KCMF1: variants seen among roughly 807,000 people sequenced by gnomAD.
KCMF1 encodes potassium channel modulatory factor 1.
In KCMF1, 3 loss-of-function variants were observed where a neutral mutation model predicts 41.1. That is an observed-to-expected ratio of 0.07 (90% CI 0.03 to 0.19). The LOEUF (loss-of-function observed/expected upper bound fraction) is 0.19. KCMF1 is among the 10% of genes least tolerant of loss of function. KCMF1 has a pLI of 1.00. For missense variants in KCMF1, 286 were observed against 488.9 expected, an observed-to-expected ratio of 0.58 and a Z score of 3.91; for synonymous variants, 142 against 164.5, an observed-to-expected ratio of 0.86 and a Z score of 1.04.
intron 6 of KCMF1, among the ~76,000 whole-genome samples, chr2:85,052,758 G>A (rs1675837978): frequency 6.6e-6 from 1 of 152,128 alleles, no homozygotes; most frequent in Non-Finnish European, 1.5e-5. Flanking sequence ...TGCAGATTTT[G>A]TTTTTGTGTT....
At chr2:84,986,708 T>C (rs886161442) in intron 1 of KCMF1, among the ~76,000 whole-genome samples, 1 of 150,018 alleles carries the variant, frequency 6.7e-6, no homozygotes, top group African/African-American at 2.5e-5. Flanking sequence ...AAACCGTGTC[T>C]GTACTTAAGA....
Position 85,027,889 on chromosome 2 carries a change from G to T in KCMF1, c.17G>T (p.Gly6Val). The stretch of plus-strand genomic sequence containing the variant: ...CTAAAGATATTTCTTTTTTTTATAG[G>T]TGTCAGCTGTGATGCATGTTTAAAA... MSRHE[G>V]VSCDACLKGN... Residue 6 changes from glycine to valine, a missense_variant and splice_region_variant, in exon 2 of 7, where the codon GGT becomes GTT. Around this residue, in one of 2 missense-constraint regions of KCMF1, gnomAD observed 95 missense variants for 209.6 expected, o/e 0.45. Transcript: ENST00000409785. 3 of 1,585,866 alleles carry T rather than the reference G, an allele frequency of 1.9e-6. No individual in the cohort carries two copies. Among genetic ancestry groups the T allele is most frequent in the Admixed American group, 1.9e-5 (1 of 53,482 alleles).
At chr2:85,012,996 T>C (rs563873198) in intron 1 of KCMF1, among the ~76,000 whole-genome samples, 70 of 152,292 alleles carry the variant, frequency 4.6e-4, no homozygotes, top group African/African-American at 1.6e-3. Flanking sequence ...CCTGAAGTTA[T>C]ATTTCAGTGT....
intron 1 of KCMF1, among the ~76,000 whole-genome samples, chr2:85,012,954 C>T (rs1016380901): frequency 3.3e-5 from 5 of 152,170 alleles, no homozygotes; most frequent in African/African-American, 7.2e-5. Flanking sequence ...AGGATAACTG[C>T]TCTATATGTG....
At chr2:84,974,306 T>C (rs1392683578) in intron 1 of KCMF1, among the ~76,000 whole-genome samples, 1 of 152,200 alleles carries the variant, frequency 6.6e-6, no homozygotes, top group Non-Finnish European at 1.5e-5. Flanking sequence ...CAGGGCCTTA[T>C]GTGTGCAGGT....
intron 1 of KCMF1, among the ~76,000 whole-genome samples, chr2:85,001,216 G>A (rs1013679160): frequency 2.0e-5 from 3 of 151,768 alleles, no homozygotes; most frequent in Admixed American, 2.0e-4. Context: ...GGAGTGCAGT[G>A]GCGTGATCTT....
At chr2:85,010,846 C>CTTTT (rs1285447116) in intron 1 of KCMF1, among the ~76,000 whole-genome samples, 1 of 140,622 alleles carries the variant, frequency 7.1e-6, no homozygotes, top group South Asian at 2.3e-4. Context: ...TAATCTATTA[C>CTTTT]TTTTTTTTTT....
chr2:85,041,078 A>G lies in KCMF1; in HGVS notation c.325-2486A>G, dbSNP rs764463989. ...CCTGGCCTAGCCTCTTGATTTTTCT[A>G]TGCCAGCTGTCAACCTGGGTGATCC... On this transcript the variant is annotated intron_variant, in intron 3 of 6. Coordinates refer to ENST00000409785, the MANE Select transcript of KCMF1 (RefSeq NM_020122.5). Among the ~76,000 whole-genome samples, 5 of 151,952 alleles carry G rather than the reference A, an allele frequency of 3.3e-5. 1 individual carries two copies. Among genetic ancestry groups the G allele is most frequent in the South Asian group, 4.1e-4 (2 of 4,820 alleles).
At chr2:84,982,713 A>G (rs1309059132) in intron 1 of KCMF1, among the ~76,000 whole-genome samples, 1 of 152,086 alleles carries the variant, frequency 6.6e-6, no homozygotes, top group African/African-American at 2.4e-5. Flanking sequence ...TTTCTATGAT[A>G]TTGAAATACA....
intron 1 of KCMF1, among the ~76,000 whole-genome samples, chr2:84,978,228 C>T (rs1390945936): frequency 6.6e-6 from 1 of 152,028 alleles, no homozygotes; most frequent in Non-Finnish European, 1.5e-5. Context: ...AACTCCCGAC[C>T]TCAGGTCATC....
intron 1 of KCMF1, among the ~76,000 whole-genome samples, chr2:85,024,755 A>G (rs562251566): frequency 6.6e-6 from 1 of 152,242 alleles, no homozygotes; most frequent in South Asian, 2.1e-4. Context: ...TTGTGTGTAT[A>G]GGATATGGGG....
intron 2 of KCMF1, among the ~76,000 whole-genome samples, chr2:85,028,483 C>CTTTTTTTT (rs398042498): frequency 4.2e-5 from 2 of 47,236 alleles, no homozygotes; most frequent in African/African-American, 2.0e-4. Flanking sequence ...CTGTGCCTGG[C>CTTTTTTTT]TTTTTTTTTT....
intron 1 of KCMF1, among the ~76,000 whole-genome samples, chr2:84,972,901 T>C (rs1673441749): frequency 6.6e-6 from 1 of 152,230 alleles, no homozygotes; most frequent in African/African-American, 2.4e-5. Context: ...CATTTTGAAA[T>C]AATGAGGTAC....
At position 84,981,550 on chromosome 2, in the gene KCMF1, G is replaced by T. The variant is rs563169989; in HGVS notation, c.16+10083G>T. Among the ~76,000 whole-genome samples, 130 of 152,180 alleles carry T rather than the reference G, an allele frequency of 8.5e-4. 2 individuals are homozygous for T. Among genetic ancestry groups the T allele is most frequent in the African/African-American group, 3.0e-3 (126 of 41,528 alleles). ...TGCTGGTACTCAGTGCCAGTGTCAT[G>T]ATATCAACTTTTTCTACAGTAAGAG... On this transcript the variant is annotated intron_variant, in intron 1 of 6. Coordinates refer to ENST00000409785, the MANE Select transcript of KCMF1 (RefSeq NM_020122.5).
At chr2:85,026,468 A>ATTC (rs1438987718) in intron 1 of KCMF1, among the ~76,000 whole-genome samples, 1 of 138,408 alleles carries the variant, frequency 7.2e-6, no homozygotes, top group Non-Finnish European at 1.5e-5. Flanking sequence ...CTTTATTATT[A>ATTC]TTATTATTAT....
chr2:84,993,548 A>ATTATTTATTTATTTAT (rs148006042), intron 1 of KCMF1, among the ~76,000 whole-genome samples: 56 of 146,016 alleles, frequency 3.8e-4, no homozygotes, highest in African/African-American at 6.6e-4. Flanking sequence ...CTCTACCCCC[A>ATTATTTATTTATTTAT]TTATTTATTT....
intron 3 of KCMF1, among the ~76,000 whole-genome samples, chr2:85,040,880 C>T (rs938752940): frequency 5.8e-4 from 88 of 152,150 alleles, no homozygotes; most frequent in Admixed American, 5.5e-3. Flanking sequence ...CCTGCCTCAG[C>T]CTCCTGAGTA....
chr2:85,033,613 G>A (rs1164701229), intron 2 of KCMF1, among the ~76,000 whole-genome samples: 1 of 152,120 alleles, frequency 6.6e-6, no homozygotes, highest in African/African-American at 2.4e-5. Flanking sequence ...TCACTCTCAA[G>A]GGAGCTAATT....
In KCMF1 at chr2:85,049,463, G is replaced by A. The variant is rs1284720828; in HGVS notation, c.699G>A (p.Gln233=). The change falls in exon 6 of 7, where the codon CAG becomes CAA. Residue 233 remains glutamine (Q), a synonymous_variant. Coordinates refer to ENST00000409785, the MANE Select transcript of KCMF1 (RefSeq NM_020122.5). ...CTCAGTTACAACAACTGCAGATGCAGCTGCAGCTAGAACGGCAGCATGCCC... is the reference window on the plus strand; with the variant it reads ...CTCAGTTACAACAACTGCAGATGCAACTGCAGCTAGAACGGCAGCATGCCC... The part of the protein sequence containing the change: ...SASQLQQLQM[Q]LQLERQHAQA... The A allele has an allele frequency of 6.2e-7, 1 of 1,613,916 alleles. No individual in the cohort carries two copies. Among genetic ancestry groups the A allele is most frequent in the Non-Finnish European group, 8.5e-7 (1 of 1,179,896 alleles).
Sources: gnomAD v4.1 joint callset for allele counts (sites outside exome capture counted in the v4.1 genomes callset) on GRCh38, gnomAD v4.1.1 for gene constraint, gnomAD v4.1.1 regional missense constraint, MANE v1.5 for transcripts, NCBI Gene and HGNC (gene_info 2026-07-23, HGNC 2026-07-21) for gene names.